The following TNN variants were observed in gnomAD, a reference collection of about 807,000 sequenced individuals.
The protein encoded by TNN is tenascin N, also known as tenascin-N.
Under a neutral mutation model 134.4 loss-of-function variants are expected in TNN, and 122 were observed. That is an observed-to-expected ratio of 0.91 (90% CI 0.78 to 1.06). TNN has a LOEUF of 1.06. Among genes scored for constraint, TNN ranks in the 50% least tolerant of loss-of-function variants. The pLI, the probability that TNN is intolerant of heterozygous loss-of-function variation, is 0.00. For missense variants in TNN, 1,739 were observed against 1,699.4 expected (o/e 1.02, Z -0.41); for synonymous variants, 710 against 670.3 (o/e 1.06, Z -0.91).
chr1:175,145,751 C>T (rs1462011855), intron 18 of TNN, among the ~76,000 whole-genome samples: 1 of 151,922 alleles, frequency 6.6e-6, no homozygotes, highest in Non-Finnish European at 1.5e-5. Flanking sequence ...TCCCACATTG[C>T]CCTGAAACTG....
In TNN at chr1:175,128,683, T is replaced by C; in HGVS notation, c.3267T>C (p.His1089=). 6.2e-7 allele frequency: 1 copy of C among 1,614,058 alleles called. No homozygotes were observed. The highest frequency in any genetic ancestry group is 8.5e-7 in the Non-Finnish European group (1 of 1,179,960). The change falls in exon 15 of 19, where the codon CAT becomes CAC. Residue 1089 remains histidine, a synonymous_variant. Transcript: ENST00000239462. The stretch of plus-strand genomic sequence containing the variant: ...GTGGTCTGTACACCATCTACCTGCA[T>C]GGCGATGCCAGCCGGCCCCTGCAGG... ...AASGLYTIYL[H]GDASRPLQVY... is the part of the protein sequence containing the mutation.
At chr1:175,146,908 G>A (rs1676082686) in intron 18 of TNN, 23 bp from the exon 19 acceptor site, 5 of 1,377,006 alleles carry the variant, frequency 3.6e-6, no homozygotes, top group Non-Finnish European at 4.8e-6. Flanking sequence ...TTCTTGATGT[G>A]GCTTTTTTTT....
intron 1 of TNN, 63 bp from the exon 2 acceptor site, chr1:175,077,321 A>G: frequency 7.4e-7 from 1 of 1,348,962 alleles, no homozygotes; most frequent in African/African-American, 1.5e-5. Context: ...AATCTGGTAA[A>G]AAAAAAGCCA....
At chr1:175,099,803 A>T (rs779032755) in intron 9 of TNN, among the ~76,000 whole-genome samples, 19 of 152,252 alleles carry the variant, frequency 1.2e-4, no homozygotes, top group South Asian at 4.1e-4. Context: ...TGACTCGGTC[A>T]TGAAGCACTT....
intron 9 of TNN, among the ~76,000 whole-genome samples, chr1:175,106,681 C>T (rs1175426982): frequency 2.0e-5 from 3 of 146,386 alleles, no homozygotes; most frequent in Middle Eastern, 3.6e-3. Flanking sequence ...AGGCGAGTGT[C>T]GCTTGGGCGA....
intron 6 of TNN, among the ~76,000 whole-genome samples, chr1:175,088,509 C>T (rs377018814): frequency 2.6e-5 from 4 of 152,118 alleles, no homozygotes; most frequent in South Asian, 2.1e-4. Context: ...TCTATGATTC[C>T]TCACTGACTG....
chr1:175,085,223 A>G (rs761026038), intron 5 of TNN, among the ~76,000 whole-genome samples, 182 bp from the exon 6 acceptor site: 15 of 152,202 alleles, frequency 9.9e-5, no homozygotes, highest in Admixed American at 4.6e-4. Flanking sequence ...AAGCCCCCTC[A>G]GTGACACCTC....
In TNN at chr1:175,079,704, C is replaced by A; in HGVS notation, c.781C>A (p.Gln261Lys). The change falls in exon 3 of 19, where the codon CAG becomes AAG. Residue 261 changes from glutamine to lysine, a missense_variant. Coordinates refer to ENST00000239462, the MANE Select transcript of TNN (RefSeq NM_022093.2). ...GGGCTTCACAGGCCTGGACTGTGCC[C>A]AGGGTGAGAGCGGAGATGTGCCCTC... is the stretch of plus-strand genomic sequence containing the variant. ...EEGFTGLDCA[Q>K]VVTPQGLQLL... is the part of the protein sequence containing the mutation. The A allele has an allele frequency of 6.3e-7, 1 of 1,590,552 alleles. No individual in the cohort carries two copies.
At chr1:175,135,816 C>A in intron 15 of TNN, 29 bp from the exon 16 acceptor site, 1 of 1,567,446 alleles carries the variant, frequency 6.4e-7, no homozygotes, top group South Asian at 1.1e-5. Flanking sequence ...TTTGGAGGGT[C>A]AGAGTGAAGT....
At chr1:175,098,197 C>A in intron 8 of TNN, 135 bp from the exon 9 acceptor site, 1 of 1,266,308 alleles carries the variant, frequency 7.9e-7, no homozygotes, top group Non-Finnish European at 1.1e-6. Context: ...CTTAGACTCC[C>A]AGCGGAGACT....
chr1:175,137,123 C>A, intron 17 of TNN, 135 bp downstream of exon 17: 1 of 929,674 alleles, frequency 1.1e-6, no homozygotes. Flanking sequence ...CAGTGGAGGT[C>A]CTACTCTCTG....
At position 175,102,740 on chromosome 1, in the gene TNN, G is replaced by A. The variant is rs563780699; in HGVS notation, c.2119+4145G>A. ...GCTCCAGCCTTGGCCAGCCCAGAAA[G>A]GGGCTCCCACAGTGTAGTGGTGGAC... On this transcript the variant is annotated intron_variant, in intron 9 of 18. Coordinates refer to ENST00000239462, the MANE Select transcript of TNN (RefSeq NM_022093.2). Among the ~76,000 whole-genome samples, 326 of 146,336 alleles carry A rather than the reference G, an allele frequency of 2.2e-3. 7 individuals carry two copies. Among genetic ancestry groups the A allele is most frequent in the African/African-American group, 7.7e-3 (314 of 40,742 alleles).
intron 9 of TNN, among the ~76,000 whole-genome samples, chr1:175,107,874 G>A (rs1269611965): frequency 1.4e-5 from 2 of 139,390 alleles, no homozygotes; most frequent in Admixed American, 7.1e-5. Context: ...GATACAGAGT[G>A]TCGATTGGTG....
rs1674173808 is a variant in TNN at position 175,080,417 on chromosome 1, G to C, written c.1039G>C (p.Ala347Pro). 3 of 1,613,942 alleles carry C rather than the reference G, an allele frequency of 1.9e-6. No homozygotes were observed. Among genetic ancestry groups the C allele is most frequent in the African/African-American group, 1.3e-5 (1 of 75,028 alleles). The change falls in exon 4 of 19, where the codon GCC (alanine) becomes CCC (proline). Residue 347 changes from alanine (A) to proline (P), a missense_variant. Coordinates refer to ENST00000239462, the MANE Select transcript of TNN (RefSeq NM_022093.2). ...TTCTAGCAGCCCACAGCATCTACTT[G>C]CCACCACAGGTGAGGAAGCCACCTG... ...EVSSSPQHLL[A>P]TTDLAVLGTA...
At chr1:175,105,977 G>A (rs1476053327) in intron 9 of TNN, among the ~76,000 whole-genome samples, 3 of 145,544 alleles carry the variant, frequency 2.1e-5, no homozygotes, top group Admixed American at 6.9e-5. Flanking sequence ...GAATAGTTGC[G>A]CTCACCGACG....
intron 1 of TNN, among the ~76,000 whole-genome samples, chr1:175,075,276 T>G (rs1674014329): frequency 6.6e-6 from 1 of 152,220 alleles, no homozygotes; most frequent in Admixed American, 6.5e-5. Flanking sequence ...TCAATATAGT[T>G]GAAAGATGCC....
intron 9 of TNN, 61 bp from the exon 10 acceptor site, chr1:175,116,878 C>T: frequency 6.2e-7 from 1 of 1,610,546 alleles, no homozygotes; most frequent in Non-Finnish European, 8.5e-7. Context: ...AGTAAAATGC[C>T]CAGATCTCAC....
intron 11 of TNN, among the ~76,000 whole-genome samples, chr1:175,119,775 C>T (rs968684821): frequency 8.6e-5 from 13 of 151,812 alleles, no homozygotes; most frequent in Admixed American, 2.6e-4. Flanking sequence ...GCTGGGATTA[C>T]AAGCGCCCGC....
At chr1:175,134,665 C>T (rs1675754072) in intron 15 of TNN, among the ~76,000 whole-genome samples, 1 of 152,190 alleles carries the variant, frequency 6.6e-6, no homozygotes, top group South Asian at 2.1e-4. Flanking sequence ...CAAGCCCATA[C>T]TATAAGAAAC....
Sources: gnomAD v4.1 joint callset for allele counts (sites outside exome capture counted in the v4.1 genomes callset) on GRCh38, gnomAD v4.1.1 for gene constraint, MANE v1.5 for transcripts, NCBI Gene and HGNC (gene_info 2026-07-23, HGNC 2026-07-21) for gene names.